Variants in FHOD3 observed in about 807,000 individuals in gnomAD.
FHOD3 encodes formin homology 2 domain containing 3, also known as FH1/FH2 domain-containing protein 3.
FHOD3 carries 90 observed loss-of-function variants against 173.0 expected under a neutral mutation model. The observed-to-expected ratio is 0.52, with a 90% CI of 0.44 to 0.62. The LOEUF is 0.62. Ranked by LOEUF, FHOD3 falls within the 20% of genes least tolerant of loss-of-function variation. The probability of loss-of-function intolerance (pLI) is 0.00; values close to 1 mark genes in which losing one functional copy is unlikely to be tolerated. For synonymous variants in FHOD3, 828 were observed against 823.0 expected (o/e 1.01, Z -0.10); for missense variants, 1,945 against 2,034.7 (o/e 0.96, Z 0.85).
rs532883715 is a variant in FHOD3 at position 36,568,033 on chromosome 18, G to A, written c.512-8418G>A. On this transcript the variant is annotated intron_variant, in intron 5 of 28. Coordinates refer to ENST00000590592, the MANE Select transcript of FHOD3 (RefSeq NM_001281740.3). ...CTCTCTGGCTGAAGGACTAAGAAGG[G>A]GGAGCCTCAGCTGGGTGTGGTGGCT... Among the ~76,000 whole-genome samples the A allele has an allele frequency of 5.9e-5, 9 of 151,726 alleles. No homozygotes were observed. In the South Asian group the frequency reaches 1.9e-3, roughly 32 times the overall value.
At chr18:36,401,191 TG>T (rs1461663176) in intron 3 of FHOD3, among the ~76,000 whole-genome samples, 1 of 152,166 alleles carries the variant, frequency 6.6e-6, no homozygotes, top group African/African-American at 2.4e-5. Flanking sequence ...GTAGGGGCTT[TG>T]GGAGGTGAAG....
chr18:36,430,091 G>A (rs993465215), intron 3 of FHOD3, among the ~76,000 whole-genome samples: 8 of 152,146 alleles, frequency 5.3e-5, no homozygotes, highest in African/African-American at 1.9e-4. Context: ...GCAGTTGAAG[G>A]GTCTTCATTT....
chr18:36,596,067 C>A (rs910588351), intron 7 of FHOD3, among the ~76,000 whole-genome samples: 1 of 152,096 alleles, frequency 6.6e-6, no homozygotes, highest in African/African-American at 2.4e-5. Context: ...ATGCATAAAC[C>A]AGCCAGGATG....
At chr18:36,565,720 C>G (rs570797918) in intron 5 of FHOD3, among the ~76,000 whole-genome samples, 2 of 152,040 alleles carry the variant, frequency 1.3e-5, no homozygotes, top group African/African-American at 4.8e-5. Flanking sequence ...TGAATGGCAA[C>G]AGAAAAGTAT....
chr18:36,753,956 C>T (rs1396984142), intron 24 of FHOD3, among the ~76,000 whole-genome samples: 1 of 152,198 alleles, frequency 6.6e-6, no homozygotes, highest in African/African-American at 2.4e-5. Flanking sequence ...TTATTAGACA[C>T]ATGACTTGCA....
intron 3 of FHOD3, among the ~76,000 whole-genome samples, chr18:36,423,404 C>A (rs2050087726): frequency 6.6e-6 from 1 of 152,132 alleles, no homozygotes; most frequent in Non-Finnish European, 1.5e-5. Context: ...GATGTCATCT[C>A]AGCATATTGT....
intron 27 of FHOD3, among the ~76,000 whole-genome samples, chr18:36,765,821 A>G (rs1374707938): frequency 1.3e-5 from 2 of 152,294 alleles, no homozygotes; most frequent in South Asian, 4.1e-4. Context: ...AGAATAAAAT[A>G]TAAGATCTGA....
At chr18:36,315,081 T>C (rs534868021) in intron 1 of FHOD3, among the ~76,000 whole-genome samples, 2 of 151,888 alleles carry the variant, frequency 1.3e-5, no homozygotes, top group East Asian at 1.9e-4. Context: ...CTCCAGGAAC[T>C]GATAGGCCAT....
intron 1 of FHOD3, among the ~76,000 whole-genome samples, chr18:36,303,049 A>G (rs2091995935): frequency 6.6e-6 from 1 of 152,202 alleles, no homozygotes; most frequent in Non-Finnish European, 1.5e-5. Context: ...GTTGGAATAG[A>G]CTGGCATCAA....
chr18:36,538,877 A>T (rs2147051634), intron 5 of FHOD3, among the ~76,000 whole-genome samples: 1 of 152,316 alleles, frequency 6.6e-6, no homozygotes, highest in Middle Eastern at 3.4e-3. Flanking sequence ...ATGAATCTGC[A>T]TGTGATAAAA....
chr18:36,473,372 C>T (rs1845044060), intron 3 of FHOD3, among the ~76,000 whole-genome samples: 1 of 152,192 alleles, frequency 6.6e-6, no homozygotes, highest in African/African-American at 2.4e-5. Flanking sequence ...CAAGATTGTG[C>T]CACTGCACTC....
chr18:36,656,931 AAG>A (rs1258417742), intron 13 of FHOD3, among the ~76,000 whole-genome samples: 1 of 152,250 alleles, frequency 6.6e-6, no homozygotes, highest in Non-Finnish European at 1.5e-5. Flanking sequence ...AAAAAGAAAA[AAG>A]ATAAATAATG....
chr18:36,762,303 C>A (rs1263575882), intron 27 of FHOD3, among the ~76,000 whole-genome samples: 1 of 152,238 alleles, frequency 6.6e-6, no homozygotes, highest in Non-Finnish European at 1.5e-5. Context: ...CCACAAACTG[C>A]TGTCCAAGGA....
intron 14 of FHOD3, among the ~76,000 whole-genome samples, chr18:36,676,880 T>G (rs2037896860): frequency 6.6e-6 from 1 of 152,240 alleles, no homozygotes; most frequent in Non-Finnish European, 1.5e-5. Context: ...TTGAAGGGGT[T>G]CTTTTTGTAC....
intron 3 of FHOD3, among the ~76,000 whole-genome samples, chr18:36,458,992 A>G (rs1441553878): frequency 6.6e-6 from 1 of 152,124 alleles, no homozygotes; most frequent in Non-Finnish European, 1.5e-5. Flanking sequence ...GGTGGCTTTC[A>G]GGGCAGTGTT....
At chr18:36,660,498 G>T (rs192657994) in intron 14 of FHOD3, among the ~76,000 whole-genome samples, 2 of 152,230 alleles carry the variant, frequency 1.3e-5, no homozygotes, top group African/African-American at 4.8e-5. Flanking sequence ...AGAGATGACC[G>T]TGCCCAACAT....
At chr18:36,630,773 A>G (rs2034456295) in intron 10 of FHOD3, among the ~76,000 whole-genome samples, 1 of 152,242 alleles carries the variant, frequency 6.6e-6, no homozygotes, top group African/African-American at 2.4e-5. Flanking sequence ...ACTGATGGTC[A>G]AGAAGGAAAA....
Position 36,548,184 on chromosome 18 carries a change from A to G in FHOD3, c.512-28267A>G, listed in dbSNP as rs1045782177. Among the ~76,000 whole-genome samples, 7 of 152,068 alleles carry G rather than the reference A, an allele frequency of 4.6e-5. No homozygotes were observed. In the East Asian group the frequency reaches 1.2e-3, roughly 25 times the overall value. On this transcript the variant is annotated intron_variant, in intron 5 of 28. Coordinates refer to ENST00000590592, the MANE Select transcript of FHOD3 (RefSeq NM_001281740.3). ...TCCAGCCTGGGTGAGAGAGTGAGACAATGTCTCAAAAACAAAAAAAAAATT... is the reference window on the plus strand; with the variant it reads ...TCCAGCCTGGGTGAGAGAGTGAGACGATGTCTCAAAAACAAAAAAAAAATT...
chr18:36,505,599 T>C (rs1026034539), intron 4 of FHOD3, among the ~76,000 whole-genome samples: 3 of 152,166 alleles, frequency 2.0e-5, no homozygotes, highest in African/African-American at 4.8e-5. Flanking sequence ...AACAGGGTGA[T>C]TGAAGAAATT....
Sources: allele counts gnomAD v4.1 joint callset (sites outside exome capture counted in the v4.1 genomes callset), GRCh38; gene constraint gnomAD v4.1.1; transcripts MANE v1.5; gene names NCBI Gene and HGNC (gene_info 2026-07-23, HGNC 2026-07-21).